The following TBC1D32 variants were observed in gnomAD, a reference collection of about 807,000 sequenced individuals.
TBC1D32 encodes the protein protein broad-minded.
In TBC1D32, 151 loss-of-function variants were observed where a neutral mutation model predicts 170.3. That is an observed-to-expected ratio of 0.89 (90% CI 0.78 to 1.01). The LOEUF is 1.01. TBC1D32 is among the 50% of genes least tolerant of loss of function. TBC1D32 has a pLI of 0.00. For missense variants in TBC1D32, 1,464 were observed against 1,457.1 expected (o/e 1.00, Z -0.08); for synonymous variants, 498 against 488.0 (o/e 1.02, Z -0.27).
At chr6:121,083,009 T>C (rs926631200) in intron 31 of TBC1D32, among the ~76,000 whole-genome samples, 2 of 152,056 alleles carry the variant, frequency 1.3e-5, no homozygotes, top group African/African-American at 4.8e-5. Context: ...CATTTTGTCT[T>C]CAAAGTAGAA....
chr6:121,265,547 T>C (rs1800358114), intron 15 of TBC1D32, among the ~76,000 whole-genome samples: 3 of 150,356 alleles, frequency 2.0e-5, no homozygotes, highest in Admixed American at 6.7e-5. Flanking sequence ...CTTCACAGAA[T>C]TAGAAAAAAA....
At chr6:121,211,102 G>A (rs1792984898) in intron 21 of TBC1D32, among the ~76,000 whole-genome samples, 1 of 151,248 alleles carries the variant, frequency 6.6e-6, no homozygotes, top group Non-Finnish European at 1.5e-5. Flanking sequence ...TAAAAGACTG[G>A]ATAAACTCTA....
intron 30 of TBC1D32, among the ~76,000 whole-genome samples, chr6:121,105,618 G>A (rs903084401): frequency 5.3e-5 from 8 of 151,860 alleles, no homozygotes; most frequent in African/African-American, 9.7e-5. Flanking sequence ...CCTAGATCCC[G>A]ACAGTAGAAA....
chr6:121,288,955 C>T (rs180827337), intron 12 of TBC1D32, among the ~76,000 whole-genome samples: 1 of 152,052 alleles, frequency 6.6e-6, no homozygotes, highest in Non-Finnish European at 1.5e-5. Flanking sequence ...ATTCAACAGC[C>T]CTTCATGCTA....
chr6:121,142,613 T>G (rs1016853199), intron 24 of TBC1D32, among the ~76,000 whole-genome samples: 3 of 152,160 alleles, frequency 2.0e-5, no homozygotes, highest in Non-Finnish European at 2.9e-5. Flanking sequence ...AACAAACATC[T>G]CATCTTCTTG....
chr6:121,249,162 T>C (rs1797983854), intron 17 of TBC1D32, among the ~76,000 whole-genome samples: 1 of 151,632 alleles, frequency 6.6e-6, no homozygotes, highest in Admixed American at 6.6e-5. Context: ...CATACACACA[T>C]CAGTAAATAT....
intron 17 of TBC1D32, among the ~76,000 whole-genome samples, chr6:121,244,055 C>T (rs1797312483): frequency 1.3e-5 from 2 of 152,032 alleles, no homozygotes; most frequent in South Asian, 2.1e-4. Flanking sequence ...AAAACCTAGT[C>T]TGCATAAACT....
At position 121,175,643 on chromosome 6, in the gene TBC1D32, A is replaced by G. The variant is rs140852453; in HGVS notation, c.2571-14587T>C. On this transcript the variant is annotated intron_variant, in intron 22 of 31. Coordinates refer to ENST00000398212, the MANE Select transcript of TBC1D32 (RefSeq NM_152730.6). ...CTCTTTGATTTAAGATTCAACATCT[A>G]CTTTCTATTCCTTGTCCCCCAAAAC... 2.0e-4 allele frequency among the ~76,000 whole-genome samples: 31 copies of G among 152,298 alleles called. No homozygotes were observed. The East Asian group carries it at 5.6e-3, about 28-fold the overall frequency.
In TBC1D32 at chr6:121,189,304, G is replaced by A. The variant is rs188516574; in HGVS notation, c.2570+15771C>T. ...TTCAGGGCAAAGAATTATAACCAGG[G>A]TCAGTCCAGAGCCCTGAGACTCACA... On this transcript the variant is annotated intron_variant, in intron 22 of 31. Transcript: ENST00000398212. Among the ~76,000 whole-genome samples, 515 of 151,376 alleles carry A rather than the reference G, an allele frequency of 3.4e-3. 4 individuals are homozygous for A. Among genetic ancestry groups the A allele is most frequent in the Admixed American group, 6.8e-3 (103 of 15,196 alleles).
At chr6:121,253,361 C>G (rs1264585903) in intron 17 of TBC1D32, among the ~76,000 whole-genome samples, 1 of 151,998 alleles carries the variant, frequency 6.6e-6, no homozygotes, top group African/African-American at 2.4e-5. Context: ...AAATGTTCAA[C>G]ATCACTAATC....
intron 15 of TBC1D32, among the ~76,000 whole-genome samples, chr6:121,269,983 G>GA (rs1258082464): frequency 6.6e-6 from 1 of 152,050 alleles, no homozygotes; most frequent in African/African-American, 2.4e-5. Flanking sequence ...CAACTACATG[G>GA]AAACTGAACA....
intron 31 of TBC1D32, among the ~76,000 whole-genome samples, chr6:121,090,024 C>T (rs1453670339): frequency 2.0e-5 from 3 of 152,010 alleles, no homozygotes; most frequent in Admixed American, 2.0e-4. Context: ...GCTCCGCCTC[C>T]TGGGTTCACG....
chr6:121,097,286 G>C (rs1280052933), intron 30 of TBC1D32, among the ~76,000 whole-genome samples: 1 of 152,086 alleles, frequency 6.6e-6, no homozygotes, highest in Non-Finnish European at 1.5e-5. Context: ...AAAAATTTTT[G>C]CAATCTATCC....
rs551507034 is a variant in TBC1D32 at position 121,314,454 on chromosome 6, AC to A, written c.495+3040del. 3.2e-4 allele frequency among the ~76,000 whole-genome samples: 49 copies of A among 152,352 alleles called. No homozygotes were observed. The East Asian group carries it at 8.5e-3, about 26-fold the overall frequency. On this transcript the variant is annotated intron_variant, in intron 3 of 31. Coordinates refer to ENST00000398212, the MANE Select transcript of TBC1D32 (RefSeq NM_152730.6). ...GACCATTATTCTGTGTACCACAGGT[AC>A]CAAAGGATGAGTTTCAAGGAGAAGT...
At position 121,286,056 on chromosome 6, in the gene TBC1D32, C is replaced by A. The variant is rs530841772; in HGVS notation, c.1373-2146G>T. ...ATGGGGAAAAAACAGAGGAGAAAAA[C>A]TGGAAACTCTAAAAATCAGAGCGCC... On this transcript the variant is annotated intron_variant, in intron 12 of 31. Transcript: ENST00000398212. 2.6e-5 allele frequency among the ~76,000 whole-genome samples: 4 copies of A among 152,254 alleles called. No homozygotes were observed. In the South Asian group the frequency reaches 8.3e-4, roughly 32 times the overall value.
chr6:121,199,175 C>T (rs537797107), intron 22 of TBC1D32, among the ~76,000 whole-genome samples: 1 of 151,124 alleles, frequency 6.6e-6, no homozygotes, highest in East Asian at 1.9e-4. Context: ...TGTTGTGGAG[C>T]AACAATTATA....
At chr6:121,312,287 T>C (rs1007811747) in intron 3 of TBC1D32, among the ~76,000 whole-genome samples, 3 of 152,102 alleles carry the variant, frequency 2.0e-5, no homozygotes, top group Non-Finnish European at 4.4e-5. Context: ...GTACAACAAA[T>C]CACAATGGCA....
intron 22 of TBC1D32, among the ~76,000 whole-genome samples, chr6:121,178,028 G>T (rs915023608): frequency 2.0e-5 from 3 of 152,138 alleles, no homozygotes; most frequent in Non-Finnish European, 4.4e-5. Flanking sequence ...CACAATCATG[G>T]CAGAAAGTGG....
chr6:121,274,654 G>C (rs1801981820), intron 15 of TBC1D32, among the ~76,000 whole-genome samples: 2 of 151,708 alleles, frequency 1.3e-5, no homozygotes, highest in African/African-American at 4.8e-5. Flanking sequence ...ACTTCATCAA[G>C]AAACATCATA....
Sources: gnomAD v4.1 joint callset for allele counts (sites outside exome capture counted in the v4.1 genomes callset) on GRCh38, gnomAD v4.1.1 for gene constraint, MANE v1.5 for transcripts, NCBI Gene and HGNC (gene_info 2026-07-23, HGNC 2026-07-21) for gene names.